Variants in GRIN2D observed in about 807,000 individuals in gnomAD.
The protein encoded by GRIN2D is glutamate ionotropic receptor NMDA type subunit 2D, also known as glutamate receptor ionotropic, NMDA 2D.
Under a neutral mutation model 103.2 loss-of-function variants are expected in GRIN2D, and 37 were observed. That is an observed-to-expected ratio of 0.36 (90% CI 0.28 to 0.47). The LOEUF (loss-of-function observed/expected upper bound fraction) is 0.47, where lower values mean the gene tolerates loss of function less well. Among genes scored for constraint, GRIN2D ranks in the 20% least tolerant of loss-of-function variants. GRIN2D has a pLI of 1.00. For missense variants in GRIN2D, 1,557 were observed against 1,910.6 expected (o/e 0.81, Z 3.45); for synonymous variants, 845 against 885.6 (o/e 0.95, Z 0.81).
At chr19:48,416,968 C>T (rs1970956942) in intron 8 of GRIN2D, among the ~76,000 whole-genome samples, 1 of 152,162 alleles carries the variant, frequency 6.6e-6, no homozygotes, top group South Asian at 2.1e-4. Flanking sequence ...TAATCTCAAA[C>T]TCCTGACCTC....
At chr19:48,413,401 A>AC (rs1314099444) in intron 4 of GRIN2D, among the ~76,000 whole-genome samples, 4 of 148,170 alleles carry the variant, frequency 2.7e-5, no homozygotes, top group East Asian at 4.1e-4. Context: ...GATTGCTTGA[A>AC]CCAGGAGGCG....
At chr19:48,436,899 C>T (rs1261674083) in intron 11 of GRIN2D, among the ~76,000 whole-genome samples, 1 of 152,080 alleles carries the variant, frequency 6.6e-6, no homozygotes, top group African/African-American at 2.4e-5. Context: ...TGTCAGGTGG[C>T]ACAGGGCCTC....
intron 4 of GRIN2D, among the ~76,000 whole-genome samples, chr19:48,407,179 G>T (rs900502822): frequency 6.6e-6 from 1 of 151,454 alleles, no homozygotes; most frequent in Middle Eastern, 3.2e-3. Context: ...TGCCATGTTG[G>T]TCAGGCCAGT....
At chr19:48,397,553 T>C (rs1014988717) in intron 2 of GRIN2D, among the ~76,000 whole-genome samples, 3 of 151,968 alleles carry the variant, frequency 2.0e-5, no homozygotes, top group Non-Finnish European at 4.4e-5. Flanking sequence ...TTGGGGTCTC[T>C]GTCTCCCTCT....
In GRIN2D at chr19:48,419,251, G is replaced by A. The variant is rs1970985642; in HGVS notation, c.1753G>A (p.Val585Met). ...SAFLEPYSPA[V>M]WVMMFVMCLT... ...GTCCCCAGAGCCCTACAGCCCCGCC[G>A]TGTGGGTGATGATGTTCGTCATGTG... is the stretch of plus-strand genomic sequence containing the variant. Residue 585 changes from valine to methionine, a missense_variant, in exon 9 of 14, where the codon GTG becomes ATG. By Grantham distance (21) the Val-to-Met change is conservative (BLOSUM62 1). Transcript: ENST00000263269. The A allele has an allele frequency of 6.2e-7, 1 of 1,609,710 alleles. No homozygotes were observed. Among genetic ancestry groups the A allele is most frequent in the Non-Finnish European group, 8.5e-7 (1 of 1,179,240 alleles).
At chr19:48,404,629 C>A (rs1970759884) in intron 3 of GRIN2D, 105 bp from the exon 4 acceptor site, 1 of 1,146,670 alleles carries the variant, frequency 8.7e-7, no homozygotes, top group African/African-American at 1.5e-5. Context: ...TTTAGTGAAC[C>A]TGTCGAGTCA....
In GRIN2D at chr19:48,415,716, G is replaced by A. The variant is rs189909212; in HGVS notation, c.1582-286G>A. ...GGGGCCAGGAGGGTGAGAATCTAGG[G>A]GAAGAGGGTGGGGCTGGGAAGATCT... On this transcript the variant is annotated intron_variant, in intron 7 of 13. Coordinates refer to ENST00000263269, the MANE Select transcript of GRIN2D (RefSeq NM_000836.4). Among the ~76,000 whole-genome samples the A allele has an allele frequency of 1.7e-3, 261 of 151,962 alleles. 3 individuals are homozygous for A. Among genetic ancestry groups the A allele is most frequent in the African/African-American group, 6.1e-3 (251 of 41,436 alleles).
At chr19:48,413,175 T>TAA (rs34356915) in intron 4 of GRIN2D, among the ~76,000 whole-genome samples, 19 of 97,710 alleles carry the variant, frequency 1.9e-4, no homozygotes, top group East Asian at 8.3e-4. Context: ...AACCACACAT[T>TAA]AAAAAAAAAA....
chr19:48,404,312 G>A (rs2147440963), intron 3 of GRIN2D, among the ~76,000 whole-genome samples: 1 of 151,850 alleles, frequency 6.6e-6, no homozygotes, highest in East Asian at 1.9e-4. Context: ...GTGACTCGGG[G>A]TTTCAGGCTC....
chr19:48,432,931 C>T lies in GRIN2D; in HGVS notation c.2253-8838C>T, dbSNP rs1348886632. ...TCAGCCTCCCGAGTAGCTGGTTCTA[C>T]AGGCGCCCGCAACCATGCCCAGCTA... is the stretch of plus-strand genomic sequence containing the variant. On this transcript the variant is annotated intron_variant, in intron 11 of 13. Coordinates refer to ENST00000263269, the MANE Select transcript of GRIN2D (RefSeq NM_000836.4). Among the ~76,000 whole-genome samples, 4 of 151,018 alleles carry T rather than the reference C, an allele frequency of 2.6e-5. No individual in the cohort carries two copies. In the East Asian group the frequency reaches 7.9e-4, roughly 30 times the overall value.
At chr19:48,438,698 C>T (rs1009200595) in intron 11 of GRIN2D, among the ~76,000 whole-genome samples, 3 of 151,860 alleles carry the variant, frequency 2.0e-5, no homozygotes, top group Non-Finnish European at 2.9e-5. Context: ...CCTCCCAAAG[C>T]GCTGGGATTA....
intron 4 of GRIN2D, among the ~76,000 whole-genome samples, chr19:48,406,750 G>A (rs997761948): frequency 3.9e-5 from 6 of 152,194 alleles, no homozygotes; most frequent in African/African-American, 1.2e-4. Flanking sequence ...TGCAGTAATG[G>A]AGGTCATGCG....
chr19:48,434,969 T>C (rs1251309211), intron 11 of GRIN2D, among the ~76,000 whole-genome samples: 2 of 152,216 alleles, frequency 1.3e-5, no homozygotes, highest in Non-Finnish European at 2.9e-5. Context: ...ATTTCGTATA[T>C]TGATCTTGTA....
At chr19:48,428,327 G>C (rs1210521153) in intron 11 of GRIN2D, among the ~76,000 whole-genome samples, 4 of 148,262 alleles carry the variant, frequency 2.7e-5, no homozygotes, top group Admixed American at 2.0e-4. Flanking sequence ...GTGAACCACC[G>C]AACCCAGTCA....
Position 48,414,113 on chromosome 19 carries a change from G to A in GRIN2D, c.1200+8G>A, listed in dbSNP as rs369177198. 9.3e-6 allele frequency: 14 copies of A among 1,510,406 alleles called. No homozygotes were observed. Among genetic ancestry groups the A allele is most frequent in the East Asian group, 2.3e-5 (1 of 44,396 alleles). The allele number at this position is 1,510,406 out of a possible 1,614,324, so 93.6% of individuals were successfully genotyped here. On this transcript the variant is annotated splice_region_variant and intron_variant, in intron 5 of 13. Transcript: ENST00000263269. The surrounding 1 kb of genome is among the most constrained non-coding windows in gnomAD (Gnocchi z 4.6). The stretch of plus-strand genomic sequence containing the variant: ...GACAGGACGTGGGAGGTGGTGAGTC[G>A]TAGCCCCAGACCTCAGGCATGGCAG...
At chr19:48,410,162 C>G (rs1970838950) in intron 4 of GRIN2D, among the ~76,000 whole-genome samples, 2 of 150,784 alleles carry the variant, frequency 1.3e-5, no homozygotes, top group Admixed American at 6.6e-5. Context: ...ATGCAAAAAC[C>G]CAGAGGGGAG....
intron 3 of GRIN2D, among the ~76,000 whole-genome samples, chr19:48,402,166 A>G (rs1699933): frequency 0.074 from 5,899 of 79,978 alleles, 237 homozygotes; most frequent in South Asian, 0.21. Flanking sequence ...GAAAGAAAGA[A>G]AGAGAGAAAA....
At chr19:48,408,274 C>T (rs1600974058) in intron 4 of GRIN2D, among the ~76,000 whole-genome samples, 1 of 148,146 alleles carries the variant, frequency 6.8e-6, no homozygotes, top group East Asian at 2.0e-4. Context: ...GCGGAGCTTG[C>T]AGTGAGCCGA....
chr19:48,429,255 G>A (rs970171066), intron 11 of GRIN2D, among the ~76,000 whole-genome samples: 9 of 152,016 alleles, frequency 5.9e-5, no homozygotes, highest in Non-Finnish European at 1.2e-4. Flanking sequence ...AGTCAAGGTC[G>A]CACTCTGTCA....
Sources: allele counts gnomAD v4.1 joint callset (sites outside exome capture counted in the v4.1 genomes callset), GRCh38; gene constraint gnomAD v4.1.1; non-coding constraint Gnocchi (gnomAD v3.1); transcripts MANE v1.5; gene names NCBI Gene and HGNC (gene_info 2026-07-23, HGNC 2026-07-21).